The following CSMD1 variants were observed in gnomAD, a reference collection of about 807,000 sequenced individuals.
The protein encoded by CSMD1 is CUB and Sushi multiple domains 1.
A neutral mutation model predicts 417.5 loss-of-function variants in CSMD1; 213 were observed. The ratio of observed to expected loss-of-function variants is 0.51; its 90% CI spans 0.46 to 0.57. The LOEUF (loss-of-function observed/expected upper bound fraction) is 0.57, where lower values mean the gene tolerates loss of function less well. CSMD1 is among the 20% of genes least tolerant of loss of function. The pLI is 0.00. For missense variants in CSMD1, 6,923 were observed against 4,529.7 expected (o/e 1.53, Z -15.17); for synonymous variants, 2,862 against 1,736.8 (o/e 1.65, Z -16.11).
At chr8:3,399,848 A>C (rs936660827) in intron 15 of CSMD1, among the ~76,000 whole-genome samples, 3 of 152,198 alleles carry the variant, frequency 2.0e-5, no homozygotes, top group African/African-American at 7.2e-5. Flanking sequence ...GGTTATCTAT[A>C]GTTTACATGC....
intron 2 of CSMD1, among the ~76,000 whole-genome samples, chr8:4,507,654 G>C (rs1157843316): frequency 6.6e-6 from 1 of 152,146 alleles, no homozygotes; most frequent in Non-Finnish European, 1.5e-5. Context: ...GATTAAGTGG[G>C]AGATATCTGA....
intron 7 of CSMD1, among the ~76,000 whole-genome samples, chr8:3,705,758 C>A (rs945772805): frequency 1.3e-5 from 2 of 152,098 alleles, no homozygotes; most frequent in African/African-American, 4.8e-5. Context: ...TGGATCTAAT[C>A]TCTAGAATCT....
intron 3 of CSMD1, among the ~76,000 whole-genome samples, chr8:4,301,304 A>T (rs1797969324): frequency 6.6e-6 from 1 of 152,296 alleles, no homozygotes; most frequent in Non-Finnish European, 1.5e-5. Context: ...AGCATCCCAA[A>T]ATACCAGTGC....
intron 3 of CSMD1, among the ~76,000 whole-genome samples, chr8:4,136,314 AT>A (rs1206357836): frequency 9.9e-5 from 15 of 152,194 alleles, no homozygotes; most frequent in Admixed American, 9.8e-4. Flanking sequence ...TCCAGATTTT[AT>A]CACTATCTTG....
chr8:4,670,453 T>C (rs1054495757), intron 1 of CSMD1, among the ~76,000 whole-genome samples: 3 of 152,192 alleles, frequency 2.0e-5, no homozygotes, highest in Admixed American at 2.0e-4. Context: ...GTGTGTCCTG[T>C]GAGCTAGATA....
At chr8:3,803,521 G>C (rs1585022997) in intron 5 of CSMD1, among the ~76,000 whole-genome samples, 1 of 152,144 alleles carries the variant, frequency 6.6e-6, no homozygotes, top group Non-Finnish European at 1.5e-5. Context: ...GAAAACCCAG[G>C]GGCTGGGCCC....
chr8:3,982,178 T>TAAC (rs1282592178), intron 5 of CSMD1, among the ~76,000 whole-genome samples: 1 of 130,366 alleles, frequency 7.7e-6, no homozygotes, highest in Non-Finnish European at 1.7e-5. Flanking sequence ...ATAATAATAA[T>TAAC]AATAATAATA....
chr8:3,310,651 C>A (rs1192568660), intron 23 of CSMD1, among the ~76,000 whole-genome samples: 1 of 152,182 alleles, frequency 6.6e-6, no homozygotes, highest in Non-Finnish European at 1.5e-5. Flanking sequence ...TCCCTATGAT[C>A]AGTACCACTG....
At chr8:4,208,464 T>C (rs1800110901) in intron 3 of CSMD1, among the ~76,000 whole-genome samples, 1 of 152,226 alleles carries the variant, frequency 6.6e-6, no homozygotes, top group African/African-American at 2.4e-5. Flanking sequence ...AAAAAATTGA[T>C]AATTGATGTT....
intron 2 of CSMD1, among the ~76,000 whole-genome samples, chr8:4,532,385 A>G (rs1192247724): frequency 6.7e-6 from 1 of 149,886 alleles, no homozygotes; most frequent in African/African-American, 2.5e-5. Flanking sequence ...CCAGAAGAGA[A>G]ATCCTGCACC....
At chr8:3,847,407 G>A (rs1453510341) in intron 5 of CSMD1, among the ~76,000 whole-genome samples, 3 of 152,132 alleles carry the variant, frequency 2.0e-5, no homozygotes, top group African/African-American at 4.8e-5. Flanking sequence ...TGCCCAGTGT[G>A]GGGAGGGACA....
At chr8:4,763,019 G>C (rs930183240) in intron 1 of CSMD1, among the ~76,000 whole-genome samples, 2 of 152,106 alleles carry the variant, frequency 1.3e-5, no homozygotes, top group Non-Finnish European at 1.5e-5. Context: ...CAGACTGTGA[G>C]TTTACCCTGC....
intron 3 of CSMD1, among the ~76,000 whole-genome samples, chr8:4,234,797 T>G (rs746018052): frequency 4.6e-5 from 7 of 152,040 alleles, no homozygotes; most frequent in Non-Finnish European, 7.4e-5. Flanking sequence ...CAGATAATCA[T>G]GAGAAACTGG....
chr8:3,224,435 T>A (rs1798382938), intron 27 of CSMD1, among the ~76,000 whole-genome samples: 1 of 152,214 alleles, frequency 6.6e-6, no homozygotes, highest in Non-Finnish European at 1.5e-5. Flanking sequence ...GGTTATTGGG[T>A]ACATGAAAAC....
At position 4,218,732 on chromosome 8, in the gene CSMD1, C is replaced by G. The variant is rs147510167; in HGVS notation, c.416-186633G>C. 1.9e-4 allele frequency among the ~76,000 whole-genome samples: 29 copies of G among 152,284 alleles called. No homozygotes were observed. In the East Asian group the frequency reaches 5.6e-3, roughly 29 times the overall value. On this transcript the variant is annotated intron_variant, in intron 3 of 69. Transcript: ENST00000635120. ...CCATTACAGTGATGGTGACTGGTTT[C>G]AATACAAACCTGGCTGTTTTCATCA...
chr8:3,942,275 C>T (rs147424709), intron 5 of CSMD1, among the ~76,000 whole-genome samples: 16 of 152,078 alleles, frequency 1.1e-4, no homozygotes, highest in Admixed American at 2.6e-4. Flanking sequence ...AAATGTAATG[C>T]GCTTGAATCA....
chr8:4,278,274 G>C (rs957385904), intron 3 of CSMD1, among the ~76,000 whole-genome samples: 1 of 152,120 alleles, frequency 6.6e-6, no homozygotes, highest in African/African-American at 2.4e-5. Context: ...TCAATGGATG[G>C]AGTGTAAAGT....
intron 49 of CSMD1, among the ~76,000 whole-genome samples, chr8:3,085,892 T>G (rs1030624798): frequency 1.3e-5 from 2 of 152,184 alleles, no homozygotes; most frequent in Non-Finnish European, 2.9e-5. Context: ...CCTTTGTGCT[T>G]AGGCCTGGAG....
intron 3 of CSMD1, among the ~76,000 whole-genome samples, chr8:4,082,254 C>T (rs963172587): frequency 3.9e-5 from 6 of 152,082 alleles, no homozygotes; most frequent in Non-Finnish European, 5.9e-5. Context: ...TAGAAAATTA[C>T]AACCTATTAA....
Sources: allele counts gnomAD v4.1 joint callset (sites outside exome capture counted in the v4.1 genomes callset), GRCh38; gene constraint gnomAD v4.1.1; transcripts MANE v1.5; gene names NCBI Gene and HGNC (gene_info 2026-07-23, HGNC 2026-07-21).